Variants in KCNMB2 observed in about 807,000 individuals in gnomAD.
KCNMB2 encodes calcium-activated potassium channel subunit beta-2.
In KCNMB2, 9 loss-of-function variants were observed where a neutral mutation model predicts 24.5. The ratio of observed to expected loss-of-function variants is 0.37; its 90% CI spans 0.22 to 0.64. The LOEUF (loss-of-function observed/expected upper bound fraction) is 0.64, where lower values mean the gene tolerates loss of function less well. KCNMB2 is among the 30% of genes least tolerant of loss of function. KCNMB2 has a pLI of 0.63. For missense variants in KCNMB2, 226 were observed against 284.3 expected (o/e 0.79, Z 1.47); for synonymous variants, 109 against 104.4 (o/e 1.04, Z -0.27).
intron 1 of KCNMB2, among the ~76,000 whole-genome samples, chr3:178,770,817 C>T (rs1221280405): frequency 6.6e-6 from 1 of 152,192 alleles, no homozygotes; most frequent in African/African-American, 2.4e-5. Context: ...ATTAGCTTCA[C>T]CTAAGAGAAG....
intron 1 of KCNMB2, among the ~76,000 whole-genome samples, chr3:178,588,327 T>A (rs1415431585): frequency 1.3e-5 from 2 of 152,166 alleles, no homozygotes; most frequent in Non-Finnish European, 2.9e-5. Flanking sequence ...TATTAGTGTA[T>A]AATTCATTCA....
intron 2 of KCNMB2, among the ~76,000 whole-genome samples, chr3:178,815,775 TATTAC>T (rs1714382623): frequency 6.6e-6 from 1 of 152,050 alleles, no homozygotes; most frequent in African/African-American, 2.4e-5. Context: ...TATCTACATT[TATTAC>T]ATTATTATAT....
intron 1 of KCNMB2, among the ~76,000 whole-genome samples, chr3:178,664,556 T>C (rs997782709): frequency 6.6e-6 from 1 of 152,132 alleles, no homozygotes; most frequent in African/African-American, 2.4e-5. Context: ...TTGGCTTGTT[T>C]GCTCTGTAAA....
chr3:178,700,232 C>T (rs1014396326), intron 1 of KCNMB2, among the ~76,000 whole-genome samples: 1 of 152,156 alleles, frequency 6.6e-6, no homozygotes, highest in Non-Finnish European at 1.5e-5. Context: ...CTTATGGATA[C>T]TAAACTAGCT....
chr3:178,729,677 A>G (rs1448279155), intron 1 of KCNMB2, among the ~76,000 whole-genome samples: 2 of 152,306 alleles, frequency 1.3e-5, no homozygotes, highest in African/African-American at 4.8e-5. Flanking sequence ...ATTTTATTTC[A>G]TTTCCAGGCA....
At chr3:178,573,179 T>G (rs1451995993) in intron 1 of KCNMB2, among the ~76,000 whole-genome samples, 1 of 151,994 alleles carries the variant, frequency 6.6e-6, no homozygotes, top group African/African-American at 2.4e-5. Context: ...CAGCAAATTT[T>G]TGTATTTTTA....
chr3:178,828,932 T>A (rs1330078634), intron 4 of KCNMB2, among the ~76,000 whole-genome samples: 2,486 of 44,126 alleles, frequency 0.056, 55 homozygotes, highest in African/African-American at 0.16. Flanking sequence ...TCACTGTGTG[T>A]GTGTGTGTGT....
intron 1 of KCNMB2, among the ~76,000 whole-genome samples, chr3:178,596,646 A>C (rs908739114): frequency 3.9e-5 from 6 of 152,012 alleles, no homozygotes; most frequent in African/African-American, 1.2e-4. Flanking sequence ...AGAGTCAACA[A>C]GTTTTTCCAT....
chr3:178,556,525 C>T (rs1716128634), intron 1 of KCNMB2, among the ~76,000 whole-genome samples: 1 of 152,194 alleles, frequency 6.6e-6, no homozygotes, highest in South Asian at 2.1e-4. Flanking sequence ...CTGCCTCAGC[C>T]TCCCAAGTAG....
intron 2 of KCNMB2, among the ~76,000 whole-genome samples, chr3:178,810,702 TC>T: frequency 6.6e-6 from 1 of 152,214 alleles, no homozygotes; most frequent in South Asian, 2.1e-4. Flanking sequence ...TAAACAAACT[TC>T]TTTGTTAGTT....
intron 1 of KCNMB2, among the ~76,000 whole-genome samples, chr3:178,675,985 T>A (rs774736364): frequency 5.3e-5 from 8 of 152,206 alleles, no homozygotes; most frequent in Non-Finnish European, 7.3e-5. Context: ...ACTCTGAAGA[T>A]GAGAATACTG....
chr3:178,779,364 A>G (rs1011772692), intron 1 of KCNMB2, among the ~76,000 whole-genome samples: 5 of 152,186 alleles, frequency 3.3e-5, no homozygotes, highest in African/African-American at 9.7e-5. Flanking sequence ...TTTTGGGTTT[A>G]CTTAGAGATG....
chr3:178,831,419 G>C (rs1437929390), intron 4 of KCNMB2, among the ~76,000 whole-genome samples: 2 of 152,068 alleles, frequency 1.3e-5, no homozygotes, highest in Non-Finnish European at 2.9e-5. Context: ...AATACAAATT[G>C]TTCTGCCACA....
At chr3:178,619,605 G>A (rs915668245) in intron 1 of KCNMB2, among the ~76,000 whole-genome samples, 1 of 151,918 alleles carries the variant, frequency 6.6e-6, no homozygotes, top group Admixed American at 6.6e-5. Context: ...TTCTGCTTGC[G>A]ACAATTAAAC....
Position 178,842,813 on chromosome 3 carries a change from T to C in KCNMB2, c.584T>C (p.Val195Ala), listed in dbSNP as rs1715474639. Reference sequence around the variant, plus strand: ...CTAACAAAACTCTACAGTTCCAACGTGCTGTTCCATTCACTCTTCTGGCCA... The same window carrying C: ...CTAACAAAACTCTACAGTTCCAACGCGCTGTTCCATTCACTCTTCTGGCCA... ...VILTKLYSSN[V>A]LFHSLFWPTC... The change falls in exon 5 of 5, where the codon GTG (valine) becomes GCG (alanine). Residue 195 changes from valine (V) to alanine (A), a missense_variant. Transcript: ENST00000452583. 1 of 1,613,898 alleles carries C rather than the reference T, an allele frequency of 6.2e-7. No individual in the cohort carries two copies. The highest frequency in any genetic ancestry group is 1.3e-5 in the African/African-American group (1 of 74,926).
rs530311953 is a variant in KCNMB2 at position 178,769,976 on chromosome 3, A to T, written c.-67-37367A>T. Among the ~76,000 whole-genome samples the T allele has an allele frequency of 1.1e-4, 16 of 152,356 alleles. 1 individual carries two copies. In the South Asian group the frequency reaches 2.9e-3, roughly 28 times the overall value. ...AAAAATGTCTGTAACTCAGTCAATA[A>T]TTTATACAATTTATTGTCCAAATCA... is the stretch of plus-strand genomic sequence containing the variant. On this transcript the variant is annotated intron_variant, in intron 1 of 4. Transcript: ENST00000452583.
intron 1 of KCNMB2, among the ~76,000 whole-genome samples, chr3:178,723,046 G>C (rs1722860346): frequency 6.6e-6 from 1 of 152,102 alleles, no homozygotes; most frequent in Non-Finnish European, 1.5e-5. Flanking sequence ...GGGTGAATCA[G>C]TTTCTAGACT....
intron 1 of KCNMB2, among the ~76,000 whole-genome samples, chr3:178,762,449 G>A (rs1711941579): frequency 1.3e-5 from 2 of 152,176 alleles, no homozygotes. Context: ...GAGAAAATAT[G>A]AACATGCAGG....
At chr3:178,840,321 C>A (rs1393769896) in intron 4 of KCNMB2, among the ~76,000 whole-genome samples, 2 of 152,214 alleles carry the variant, frequency 1.3e-5, no homozygotes, top group Non-Finnish European at 2.9e-5. Flanking sequence ...CTTTCCCGGG[C>A]TGGCTCTGAG....
Sources: gnomAD v4.1 joint callset for allele counts (sites outside exome capture counted in the v4.1 genomes callset) on GRCh38, gnomAD v4.1.1 for gene constraint, MANE v1.5 for transcripts, NCBI Gene and HGNC (gene_info 2026-07-23, HGNC 2026-07-21) for gene names.